Variants in PHTF2 observed in about 807,000 individuals in gnomAD.
PHTF2 encodes the protein putative homeodomain transcription factor 2, also known as protein PHTF2.
PHTF2 carries 60 observed loss-of-function variants against 101.2 expected under a neutral mutation model. That is an observed-to-expected ratio of 0.59 (90% CI 0.48 to 0.73). The LOEUF (loss-of-function observed/expected upper bound fraction) is 0.73. Among genes scored for constraint, PHTF2 ranks in the 30% least tolerant of loss-of-function variants. The pLI, the probability that PHTF2 is intolerant of heterozygous loss-of-function variation, is 0.00. For missense variants in PHTF2, 747 were observed against 908.7 expected (o/e 0.82, Z 2.29); for synonymous variants, 311 against 307.3 (o/e 1.01, Z -0.13).
At chr7:77,818,531 C>A (rs1794031618) in intron 1 of PHTF2, among the ~76,000 whole-genome samples, 1 of 152,092 alleles carries the variant, frequency 6.6e-6, no homozygotes. Context: ...AATGAGTGTT[C>A]CTGACACCTT....
At chr7:77,884,059 T>C (rs538383501) in intron 3 of PHTF2, among the ~76,000 whole-genome samples, 4 of 152,342 alleles carry the variant, frequency 2.6e-5, no homozygotes, top group East Asian at 1.9e-4. Context: ...GCTCTAGTTA[T>C]GGTGGAGGTA....
intron 16 of PHTF2, among the ~76,000 whole-genome samples, chr7:77,947,829 T>G (rs1806190310): frequency 8.6e-6 from 1 of 116,846 alleles, no homozygotes. Flanking sequence ...CTTTTTTCTT[T>G]TTTCTTTCTT....
chr7:77,937,794 G>A, exon 13 of PHTF2: 1 of 1,548,962 alleles, frequency 6.5e-7, no homozygotes, highest in Non-Finnish European at 8.8e-7. Flanking sequence ...TTGTAAGAAA[G>A]CAGACATGTC....
intron 8 of PHTF2, 96 bp from the exon 8 acceptor site, chr7:77,910,149 C>T: frequency 1.2e-6 from 1 of 867,128 alleles, no homozygotes; most frequent in East Asian, 2.6e-5. Flanking sequence ...AGTAAAGTTC[C>T]TGTGTTTATG....
chr7:77,873,236 T>A (rs1798665242), intron 3 of PHTF2, among the ~76,000 whole-genome samples: 1 of 152,168 alleles, frequency 6.6e-6, no homozygotes, highest in African/African-American at 2.4e-5. Flanking sequence ...CTAGAACCTT[T>A]TTTAACTCCC....
chr7:77,909,142 T>A, intron 8 of PHTF2, 184 bp downstream of exon 7: 2 of 476,002 alleles, frequency 4.2e-6, no homozygotes, highest in Non-Finnish European at 7.4e-6. Flanking sequence ...AAGGCCATTT[T>A]AAGACCACAT....
intron 16 of PHTF2, among the ~76,000 whole-genome samples, chr7:77,946,549 A>G (rs1327111347): frequency 6.6e-6 from 1 of 152,232 alleles, no homozygotes; most frequent in African/African-American, 2.4e-5. Context: ...GATTTGTTAT[A>G]TGAAGATTAA....
chr7:77,935,690 A>G (rs1193902944), intron 12 of PHTF2, among the ~76,000 whole-genome samples: 1 of 152,082 alleles, frequency 6.6e-6, no homozygotes, highest in East Asian at 1.9e-4. Context: ...CTGATTTCCT[A>G]TTTCTGTCTC....
intron 3 of PHTF2, 114 bp from the exon 3 acceptor site, chr7:77,893,494 G>C: frequency 2.0e-6 from 1 of 510,146 alleles, no homozygotes; most frequent in Non-Finnish European, 3.5e-6. Context: ...TCTGAGATAG[G>C]GCTAAATCTA....
chr7:77,896,379 G>C (rs990565737), intron 5 of PHTF2, among the ~76,000 whole-genome samples: 2 of 151,960 alleles, frequency 1.3e-5, no homozygotes, highest in African/African-American at 4.8e-5. Flanking sequence ...AACAAAGTGA[G>C]ACACTATCTC....
At chr7:77,928,180 G>A (rs1804233924) in intron 11 of PHTF2, among the ~76,000 whole-genome samples, 1 of 147,286 alleles carries the variant, frequency 6.8e-6, no homozygotes, top group Non-Finnish European at 1.5e-5. Context: ...AGTCACAGAG[G>A]ACAGCCAAAA....
intron 13 of PHTF2, 68 bp from the exon 13 acceptor site, chr7:77,939,962 C>G: frequency 8.9e-7 from 1 of 1,121,900 alleles, no homozygotes; most frequent in Non-Finnish European, 1.3e-6. Context: ...ATAAATAATT[C>G]TACTGTAGAT....
intron 3 of PHTF2, among the ~76,000 whole-genome samples, chr7:77,885,623 T>G (rs924854903): frequency 1.3e-5 from 2 of 152,090 alleles, no homozygotes; most frequent in African/African-American, 4.8e-5. Flanking sequence ...TTTTGTATTC[T>G]TAGTAGAGAT....
chr7:77,940,232 T>C lies in PHTF2; in HGVS notation c.1670T>C (p.Phe557Ser), dbSNP rs1236226946. 2 of 1,613,798 alleles carry C rather than the reference T, an allele frequency of 1.2e-6. No individual in the cohort carries two copies. The highest frequency in any genetic ancestry group is 2.7e-5 in the African/African-American group (2 of 74,932). The change falls in exon 14 of 20, where the codon TTT (phenylalanine) becomes TCT (serine). Residue 557 changes from phenylalanine to serine, a missense_variant. Around this residue, in one of 6 missense-constraint regions of PHTF2, gnomAD observed 188 missense variants for 286.5 expected, o/e 0.66. Transcript: ENST00000416283. ...GTTCTTTCTATGGTTATAATAAGTT[T>C]TGTGGTTCGCGTGTCTCTTGTGTGG...
intron 3 of PHTF2, among the ~76,000 whole-genome samples, chr7:77,862,308 ATTTG>A (rs1362961464): frequency 6.6e-6 from 1 of 152,086 alleles, no homozygotes; most frequent in Non-Finnish European, 1.5e-5. Flanking sequence ...TTTATTTTAT[ATTTG>A]TTCTCTTTAG....
chr7:77,887,077 A>G (rs1039969867), intron 3 of PHTF2, among the ~76,000 whole-genome samples: 1 of 151,694 alleles, frequency 6.6e-6, no homozygotes, highest in African/African-American at 2.4e-5. Flanking sequence ...TACAGTAACA[A>G]TGAATATAAG....
chr7:77,891,130 A>G (rs1026474497), intron 3 of PHTF2, among the ~76,000 whole-genome samples: 6 of 146,654 alleles, frequency 4.1e-5, no homozygotes, highest in Non-Finnish European at 9.0e-5. Context: ...GCTTGTCTCA[A>G]ACTCCTGGGC....
intron 1 of PHTF2, among the ~76,000 whole-genome samples, chr7:77,802,638 A>G (rs992446019): frequency 6.6e-6 from 1 of 152,186 alleles, no homozygotes. Context: ...AGGCTCAGGC[A>G]ATCCTGTTGC....
At chr7:77,911,498 G>C (rs1467895807) in intron 9 of PHTF2, among the ~76,000 whole-genome samples, 1 of 152,062 alleles carries the variant, frequency 6.6e-6, no homozygotes, top group African/African-American at 2.4e-5. Flanking sequence ...AAAAGGCTAT[G>C]ATCAAAATAT....
Sources: gnomAD v4.1 joint callset for allele counts (sites outside exome capture counted in the v4.1 genomes callset) on GRCh38, gnomAD v4.1.1 for gene constraint, gnomAD v4.1.1 regional missense constraint, MANE v1.5 for transcripts, NCBI Gene and HGNC (gene_info 2026-07-23, HGNC 2026-07-21) for gene names.